The following PHKA1 variants were observed in gnomAD, a reference collection of about 807,000 sequenced individuals.
The protein encoded by PHKA1 is phosphorylase b kinase regulatory subunit alpha, skeletal muscle isoform.
Under a neutral mutation model 110.2 loss-of-function variants are expected in PHKA1, and 60 were observed. The ratio of observed to expected loss-of-function variants is 0.54; its 90% CI spans 0.44 to 0.68. The LOEUF (loss-of-function observed/expected upper bound fraction) is 0.68, where lower values mean the gene tolerates loss of function less well. Ranked by LOEUF, PHKA1 falls within the 30% of genes least tolerant of loss-of-function variation. The probability of loss-of-function intolerance (pLI) is 0.00; values close to 1 mark genes in which losing one functional copy is unlikely to be tolerated. For missense variants in PHKA1, 801 were observed against 942.5 expected, an observed-to-expected ratio of 0.85 and a Z score of 1.97; for synonymous variants, 316 against 333.6, an observed-to-expected ratio of 0.95 and a Z score of 0.58.
chrX:72,710,042 C>CAAAA (rs374071163), intron 2 of PHKA1, among the ~76,000 whole-genome samples: 3 of 19,198 alleles, frequency 1.6e-4, no homozygotes, highest in Non-Finnish European at 1.9e-4. Context: ...ACTTAGTCTT[C>CAAAA]AAAAAAAAAA....
intron 21 of PHKA1, among the ~76,000 whole-genome samples, chrX:72,615,473 G>A (rs1556267678): frequency 9.1e-6 from 1 of 110,206 alleles, no homozygotes; most frequent in Non-Finnish European, 1.9e-5. Flanking sequence ...TTTAAATTGT[G>A]ACATCAAAAA....
chrX:72,711,151 G>A (rs781796993), intron 2 of PHKA1, among the ~76,000 whole-genome samples: 4 of 110,545 alleles, frequency 3.6e-5, no homozygotes, highest in Admixed American at 2.9e-4. Flanking sequence ...GTGAGCCACC[G>A]CGCCCGGCCT....
chrX:72,710,042 CAAAAAAAAAA>C (rs374071163), intron 2 of PHKA1, among the ~76,000 whole-genome samples: 1 of 19,258 alleles, frequency 5.2e-5, no homozygotes, highest in African/African-American at 1.9e-4. Context: ...ACTTAGTCTT[CAAAAAAAAAA>C]AAAAAAAAAA....
intron 21 of PHKA1, 147 bp from the exon 22 acceptor site, chrX:72,611,331 C>T (rs1342518491): frequency 1.0e-4 from 50 of 500,241 alleles, no homozygotes; most frequent in Middle Eastern, 5.6e-4. Flanking sequence ...CCTTATAAAA[C>T]TATGATTAAC....
chrX:72,661,620 C>T (rs782587719), intron 8 of PHKA1, among the ~76,000 whole-genome samples: 1 of 106,361 alleles, frequency 9.4e-6, no homozygotes, highest in South Asian at 4.2e-4. Context: ...TTACTTGTAA[C>T]TTTCTGGTTA....
At chrX:72,605,515 A>C in intron 24 of PHKA1, 26 bp downstream of exon 24, 1 of 1,175,929 alleles carries the variant, frequency 8.5e-7, no homozygotes, top group Non-Finnish European at 1.2e-6. Context: ...ATCAGTCACC[A>C]GATTAGCCTT....
At chrX:72,667,804 T>C (rs1243604560) in intron 6 of PHKA1, among the ~76,000 whole-genome samples, 6 of 111,802 alleles carry the variant, frequency 5.4e-5, no homozygotes, top group African/African-American at 1.9e-4. Flanking sequence ...TATTTATTTA[T>C]TTCTTACTTT....
chrX:72,630,999 G>GTTTT lies in PHKA1; in HGVS notation c.1715-3954_1715-3951dup, dbSNP rs146161152. Among the ~76,000 whole-genome samples the GTTTT allele has an allele frequency of 9.4e-4, 42 of 44,668 alleles. 1 individual carries two copies. The highest frequency in any genetic ancestry group is 3.9e-4 in the African/African-American group (4 of 10,171). 38.8% of individuals were successfully genotyped at this position (44,668 alleles called of 115,157 possible). A position where few individuals can be genotyped will look rare whatever the true frequency, so the allele number is the denominator to read the frequency against. On this transcript the variant is annotated intron_variant, in intron 16 of 31. Transcript: ENST00000373542. ...TGAGGCTCTGTTCATATTTTTTCAG[G>GTTTT]TTTTTTTTTTTTTTTTTTTTTTTAC...
rs782548583 is a variant in PHKA1, at chrX:72,584,313, GA to G, written c.3244-12del. 10 of 1,200,098 alleles carry G rather than the reference GA, an allele frequency of 8.3e-6. No homozygotes were observed. The highest frequency in any genetic ancestry group is 4.6e-4 in the Middle Eastern group (2 of 4,317). On this transcript the variant is annotated splice_polypyrimidine_tract_variant and intron_variant, in intron 29 of 31. Transcript: ENST00000373542. ...AGAAAGTCCGTGACACTGCAAAACAGAAAAAAAACCATATCACCAAAAACCA... is the reference window on the plus strand; with the variant it reads ...AGAAAGTCCGTGACACTGCAAAACAGAAAAAAACCATATCACCAAAAACCA...
chrX:72,679,350 G>A (rs181355847), intron 5 of PHKA1, among the ~76,000 whole-genome samples: 2 of 108,573 alleles, frequency 1.8e-5, no homozygotes, highest in Admixed American at 1.0e-4. Context: ...AACAAAGCTC[G>A]GGAATATTTA....
At chrX:72,641,205 G>C (rs2053292006) in intron 14 of PHKA1, among the ~76,000 whole-genome samples, 1 of 111,685 alleles carries the variant, frequency 9.0e-6, no homozygotes, top group African/African-American at 3.2e-5. Flanking sequence ...CTATGAATTA[G>C]TTCGTCTTTG....
intron 14 of PHKA1, among the ~76,000 whole-genome samples, chrX:72,641,565 T>A (rs2147742530): frequency 9.0e-6 from 1 of 111,558 alleles, no homozygotes; most frequent in East Asian, 2.8e-4. Flanking sequence ...ACTTAATATT[T>A]TAAGTTCTTA....
Position 72,585,865 on chromosome X carries a change from G to C in PHKA1, c.3244-1563C>G, listed in dbSNP as rs1466249037. ...GAACTGCAAGGCAGCAGCCTGGCTG[G>C]TGGAGGGGTGTCCGCCATTGCTGAG... On this transcript the variant is annotated intron_variant, in intron 29 of 31. Transcript: ENST00000373542. Among the ~76,000 whole-genome samples the C allele has an allele frequency of 5.3e-5, 6 of 112,464 alleles. No homozygotes were observed. In the Admixed American group the frequency reaches 5.6e-4, roughly 11 times the overall value.
chrX:72,695,276 G>C (rs1556326496), intron 4 of PHKA1, among the ~76,000 whole-genome samples: 1 of 111,817 alleles, frequency 8.9e-6, no homozygotes, highest in South Asian at 3.7e-4. Context: ...AGGAAATTAA[G>C]TTGTTTCTTA....
intron 22 of PHKA1, 135 bp from the exon 23 acceptor site, chrX:72,609,838 T>G (rs1346732075): frequency 2.7e-5 from 14 of 513,040 alleles, no homozygotes; most frequent in African/African-American, 2.5e-4. Context: ...GAAAATACCA[T>G]GAAGATCAGA....
At chrX:72,681,434 G>A (rs1467150423) in intron 5 of PHKA1, among the ~76,000 whole-genome samples, 15 of 106,773 alleles carry the variant, frequency 1.4e-4, no homozygotes, top group Non-Finnish European at 2.9e-4. Context: ...CGCCCCATCC[G>A]GGAGGGAGGT....
At chrX:72,648,827 A>C (rs1556297924) in intron 13 of PHKA1, among the ~76,000 whole-genome samples, 1 of 112,438 alleles carries the variant, frequency 8.9e-6, no homozygotes, top group Non-Finnish European at 1.9e-5. Flanking sequence ...AATTTCAGGT[A>C]TCTGAAGTGA....
rs782038473 is a variant in PHKA1 at position 72,593,271 on chromosome X, G to A, written c.3076C>T (p.Pro1026Ser). Residue 1026 changes from proline (P) to serine (S), a missense_variant, in exon 29 of 32, where the codon CCT (proline) becomes TCT (serine). Physicochemically the swap from Pro to Ser is moderately conservative, Grantham distance 74. Coordinates refer to ENST00000373542, the MANE Select transcript of PHKA1 (RefSeq NM_002637.4). Reference sequence around the variant, plus strand: ...CTACTTGGAGTCATAGAGGTTCCAGGTGACTTGGAAGAGGAGAGGAAAGAA... The same window carrying A: ...CTACTTGGAGTCATAGAGGTTCCAGATGACTTGGAAGAGGAGAGGAAAGAA... Reference protein sequence around the residue: ...RLSISAESQSPGTSMTPSSGS... With the variant: ...RLSISAESQSSGTSMTPSSGS... 6.7e-6 allele frequency: 8 copies of A among 1,188,517 alleles called. No individual in the cohort carries two copies. In the Admixed American group the frequency reaches 1.5e-4, roughly 23 times the overall value.
intron 14 of PHKA1, among the ~76,000 whole-genome samples, chrX:72,638,480 A>G (rs782714527): frequency 6.1e-4 from 67 of 109,761 alleles, no homozygotes; most frequent in Non-Finnish European, 1.0e-3. Context: ...ATAACAAGTC[A>G]TGGTTTTCTA....
Sources: gnomAD v4.1 joint callset for allele counts (sites outside exome capture counted in the v4.1 genomes callset) on GRCh38, gnomAD v4.1.1 for gene constraint, MANE v1.5 for transcripts, NCBI Gene and HGNC (gene_info 2026-07-23, HGNC 2026-07-21) for gene names.